The following PGR variants were observed in gnomAD, a reference collection of about 807,000 sequenced individuals.
The protein encoded by PGR is progesterone receptor, also known as nuclear receptor subfamily 3 group C member 3.
PGR carries 25 observed loss-of-function variants against 76.1 expected under a neutral mutation model. The observed-to-expected ratio is 0.33, with a 90% CI of 0.24 to 0.46. The LOEUF (loss-of-function observed/expected upper bound fraction) is 0.46. Ranked by LOEUF, PGR falls within the 20% of genes least tolerant of loss-of-function variation. PGR has a pLI of 1.00. For synonymous variants in PGR, 579 were observed against 535.0 expected (o/e 1.08, Z -1.14); for missense variants, 1,172 against 1,225.3 (o/e 0.96, Z 0.65).
At chr11:101,111,283 G>C (rs912909813) in intron 2 of PGR, among the ~76,000 whole-genome samples, 1 of 152,088 alleles carries the variant, frequency 6.6e-6, no homozygotes. Context: ...AGCATTCTTG[G>C]TAGGGGCCAC....
intron 3 of PGR, among the ~76,000 whole-genome samples, chr11:101,075,370 G>A (rs1861087882): frequency 6.6e-6 from 1 of 152,086 alleles, no homozygotes; most frequent in South Asian, 2.1e-4. Context: ...AAAAACCCTA[G>A]AGGAAAACCT....
chr11:101,078,612 C>T (rs1166928206), intron 3 of PGR, among the ~76,000 whole-genome samples: 1 of 152,152 alleles, frequency 6.6e-6, no homozygotes, highest in South Asian at 2.1e-4. Flanking sequence ...CAAAAGTTCA[C>T]TGTGACCTGT....
At chr11:101,067,239 G>T (rs944679745) in intron 3 of PGR, among the ~76,000 whole-genome samples, 1 of 151,878 alleles carries the variant, frequency 6.6e-6, no homozygotes, top group African/African-American at 2.4e-5. Flanking sequence ...TCTGCATATC[G>T]CCTTATCAGA....
At chr11:101,042,881 A>G (rs1269083354) in intron 6 of PGR, among the ~76,000 whole-genome samples, 1 of 152,198 alleles carries the variant, frequency 6.6e-6, no homozygotes, top group Non-Finnish European at 1.5e-5. Flanking sequence ...ACTAAAAAAC[A>G]CTTTATTGCT....
chr11:101,125,376 G>A (rs139165172), intron 2 of PGR, among the ~76,000 whole-genome samples: 71 of 152,202 alleles, frequency 4.7e-4, no homozygotes, highest in Admixed American at 1.4e-3. Context: ...TAGAAATTAT[G>A]TTACTGTGAT....
intron 6 of PGR, among the ~76,000 whole-genome samples, chr11:101,046,512 A>T (rs1189750672): frequency 6.6e-6 from 1 of 151,340 alleles, no homozygotes; most frequent in African/African-American, 2.4e-5. Flanking sequence ...CTATTCCTGG[A>T]GATTTATATT....
chr11:101,115,096 G>GA (rs1011575150), intron 2 of PGR, among the ~76,000 whole-genome samples: 2 of 151,994 alleles, frequency 1.3e-5, no homozygotes, highest in African/African-American at 2.4e-5. Flanking sequence ...AATTATCCTA[G>GA]AAAAAACACA....
chr11:101,107,725 C>A (rs1391331668), intron 2 of PGR, among the ~76,000 whole-genome samples: 7 of 151,930 alleles, frequency 4.6e-5, no homozygotes, highest in Non-Finnish European at 2.9e-5. Flanking sequence ...TTAGTTTTTT[C>A]TTCCTGATTA....
intron 2 of PGR, among the ~76,000 whole-genome samples, chr11:101,093,129 T>C (rs1235838345): frequency 6.6e-6 from 1 of 152,236 alleles, no homozygotes; most frequent in Non-Finnish European, 1.5e-5. Context: ...CATGCCTCTA[T>C]AAACTTATGT....
At chr11:101,097,112 C>T (rs1370953293) in intron 2 of PGR, among the ~76,000 whole-genome samples, 1 of 152,142 alleles carries the variant, frequency 6.6e-6, no homozygotes, top group Non-Finnish European at 1.5e-5. Flanking sequence ...CACTATGCTT[C>T]TTTCTCCTTG....
At chr11:101,068,649 G>A (rs1458408528) in intron 3 of PGR, among the ~76,000 whole-genome samples, 1 of 151,988 alleles carries the variant, frequency 6.6e-6, no homozygotes, top group Non-Finnish European at 1.5e-5. Flanking sequence ...AAAACAGCAT[G>A]GTACTGGTAC....
chr11:101,083,841 C>T (rs879670852), intron 3 of PGR, among the ~76,000 whole-genome samples: 7 of 152,122 alleles, frequency 4.6e-5, no homozygotes, highest in East Asian at 1.9e-4. Context: ...TTGTCTCAGA[C>T]GAGACTTTGG....
At chr11:101,071,036 T>G (rs1454477001) in intron 3 of PGR, among the ~76,000 whole-genome samples, 4 of 152,152 alleles carry the variant, frequency 2.6e-5, no homozygotes, top group African/African-American at 9.7e-5. Flanking sequence ...GGGAGATACC[T>G]CCCAGCAGGG....
intron 6 of PGR, among the ~76,000 whole-genome samples, chr11:101,046,454 G>A (rs886472676): frequency 3.3e-5 from 5 of 151,208 alleles, no homozygotes; most frequent in Non-Finnish European, 2.9e-5. Flanking sequence ...CTGGCCTTTA[G>A]TGTAATTTTG....
At chr11:101,092,163 C>T (rs893413755) in intron 2 of PGR, among the ~76,000 whole-genome samples, 1 of 152,184 alleles carries the variant, frequency 6.6e-6, no homozygotes, top group Non-Finnish European at 1.5e-5. Context: ...GTGTCAGTAT[C>T]AGATTGCCTT....
chr11:101,051,720 T>G, intron 4 of PGR, 152 bp from the exon 5 acceptor site: 1 of 648,970 alleles, frequency 1.5e-6, no homozygotes, highest in Non-Finnish European at 2.8e-6. Context: ...CAGAAAACAT[T>G]AATAAATAAT....
intron 2 of PGR, among the ~76,000 whole-genome samples, chr11:101,111,178 A>G (rs898424728): frequency 4.6e-5 from 7 of 152,206 alleles, no homozygotes; most frequent in African/African-American, 1.4e-4. Flanking sequence ...TGTGTCTACT[A>G]TAGTGCCTGG....
chr11:101,128,961 G>C lies in PGR; in HGVS notation c.110C>G (p.Pro37Arg), dbSNP rs146230124. Reference protein sequence around the residue: ...LLCRPAAGPFPGSQTSDTLPE... With the variant: ...LLCRPAAGPFRGSQTSDTLPE... The stretch of plus-strand genomic sequence containing the variant: ...CAAGGTGTCCGAGGTCTGGCTCCCC[G>C]GGAACGGACCTGCGGCTGGGCGACA... The change falls in exon 1 of 8, where the codon CCG becomes CGG. Residue 37 changes from proline to arginine, a missense_variant. By Grantham distance (103) the Pro-to-Arg change is moderately radical. Coordinates refer to ENST00000325455, the MANE Select transcript of PGR (RefSeq NM_000926.4). The C allele has an allele frequency of 2.5e-6, 4 of 1,606,682 alleles. No homozygotes were observed. Among genetic ancestry groups the C allele is most frequent in the Admixed American group, 3.3e-5 (2 of 59,766 alleles).
chr11:101,068,686 C>T (rs868623545), intron 3 of PGR, among the ~76,000 whole-genome samples: 3 of 151,870 alleles, frequency 2.0e-5, no homozygotes, highest in Non-Finnish European at 2.9e-5. Context: ...AACAATAGAA[C>T]AGAACAGAGG....
Sources: gnomAD v4.1 joint callset for allele counts (sites outside exome capture counted in the v4.1 genomes callset) on GRCh38, gnomAD v4.1.1 for gene constraint, MANE v1.5 for transcripts, NCBI Gene and HGNC (gene_info 2026-07-23, HGNC 2026-07-21) for gene names.